Variants in KIAA0513 observed in about 807,000 individuals in gnomAD.
KIAA0513 encodes the protein uncharacterized protein KIAA0513.
A neutral mutation model predicts 56.5 loss-of-function variants in KIAA0513; 39 were observed. The ratio of observed to expected loss-of-function variants is 0.69; its 90% CI spans 0.53 to 0.90. The LOEUF is 0.90. Ranked by LOEUF, KIAA0513 falls within the 40% of genes least tolerant of loss-of-function variation. The probability of loss-of-function intolerance (pLI) is 0.00; values close to 1 mark genes in which losing one functional copy is unlikely to be tolerated. For missense variants in KIAA0513, 591 were observed against 535.2 expected (o/e 1.10, Z -1.03); for synonymous variants, 268 against 215.6 (o/e 1.24, Z -2.13).
In KIAA0513 at chr16:85,088,313, G is replaced by A. The variant is rs1567549532; in HGVS notation, c.1224G>A (p.Met408Ile). ...YKLLSDHIEQ[M>I]ATE ...TGCTTAGTGACCACATTGAGCAAATGGCCACTGAGTAGGCCCCAGAGGTCG... is the reference window on the plus strand; with the variant it reads ...TGCTTAGTGACCACATTGAGCAAATAGCCACTGAGTAGGCCCCAGAGGTCG... The change falls in exon 13 of 13, where the codon ATG (methionine) becomes ATA (isoleucine). Residue 408 changes from methionine to isoleucine, a missense_variant. Transcript: ENST00000683363. The A allele has an allele frequency of 6.2e-7, 1 of 1,611,492 alleles. No homozygotes were observed.
At chr16:85,059,844 G>A (rs772897354) in intron 1 of KIAA0513, among the ~76,000 whole-genome samples, 2 of 152,154 alleles carry the variant, frequency 1.3e-5, no homozygotes, top group Non-Finnish European at 2.9e-5. Context: ...CATGTAGTGC[G>A]TCACTTCCTG....
At chr16:85,050,451 G>A (rs879479905) in intron 1 of KIAA0513, among the ~76,000 whole-genome samples, 49 of 151,752 alleles carry the variant, frequency 3.2e-4, no homozygotes, top group Non-Finnish European at 6.3e-4. Context: ...CCGGGTTCAA[G>A]CCATTCTCCT....
chr16:85,085,213 G>A (rs1200332197), intron 10 of KIAA0513, among the ~76,000 whole-genome samples: 3 of 152,336 alleles, frequency 2.0e-5, no homozygotes, highest in Non-Finnish European at 4.4e-5. Flanking sequence ...GGACTCTGCA[G>A]AGTACCTGGA....
At position 85,029,364 on chromosome 16, in the gene KIAA0513, G is replaced by A. The variant is rs2072931761; in HGVS notation, c.-173+1506G>A. Among the ~76,000 whole-genome samples, 8 of 152,334 alleles carry A rather than the reference G, an allele frequency of 5.3e-5. 1 individual carries two copies. In the South Asian group the frequency reaches 1.7e-3, roughly 32 times the overall value. On this transcript the variant is annotated intron_variant, in intron 1 of 12. Coordinates refer to ENST00000683363, the MANE Select transcript of KIAA0513 (RefSeq NM_001388359.1). The stretch of plus-strand genomic sequence containing the variant: ...TATGGGATGTGTCAGTTAGTGTGAA[G>A]GTTGGTTTGCATTATTTGAGATGTA...
intron 10 of KIAA0513, among the ~76,000 whole-genome samples, chr16:85,085,388 A>T (rs1476151521): frequency 1.3e-5 from 2 of 152,176 alleles, no homozygotes; most frequent in Admixed American, 6.5e-5. Context: ...GAGCCAGGAG[A>T]TCATGTTCCT....
At chr16:85,077,274 G>T in intron 5 of KIAA0513, 151 bp from the exon 6 acceptor site, 1 of 691,074 alleles carries the variant, frequency 1.4e-6, no homozygotes, top group Non-Finnish European at 2.4e-6. Flanking sequence ...TGGGCCGGCT[G>T]AGCCTGCACC....
Position 85,072,916 on chromosome 16 carries a change from T to A in KIAA0513, c.430-9T>A, listed in dbSNP as rs760994063. The A allele has an allele frequency of 5.0e-6, 8 of 1,614,058 alleles. No homozygotes were observed. Among genetic ancestry groups the A allele is most frequent in the Non-Finnish European group, 6.8e-6 (8 of 1,179,900 alleles). ...AACCTCAATGATGTGTCTGCCTCTT[T>A]CTGGACAGCGCTGCAACTCCAAGTG... On this transcript the variant is annotated splice_polypyrimidine_tract_variant and intron_variant, in intron 3 of 12. Coordinates refer to ENST00000683363, the MANE Select transcript of KIAA0513 (RefSeq NM_001388359.1).
chr16:85,076,028 A>G lies in KIAA0513; in HGVS notation c.574+114A>G. 5.3e-6 allele frequency: 4 copies of G among 757,032 alleles called. No individual in the cohort carries two copies. Among genetic ancestry groups the G allele is most frequent in the East Asian group, 2.6e-5 (1 of 38,582 alleles). 46.9% of individuals were successfully genotyped at this position (757,032 alleles called of 1,614,324 possible). A position where few individuals can be genotyped will look rare whatever the true frequency, so the allele number is the denominator to read the frequency against. ...GCAAAAGCTATGGGGCCTCCAGAGA[A>G]CAGAGGAAGCTGATGTTAGGGAGGA... is the stretch of plus-strand genomic sequence containing the variant. On this transcript the variant is annotated intron_variant, in intron 5 of 12. Transcript: ENST00000683363. The surrounding 1 kb of genome is among the most constrained non-coding windows in gnomAD (Gnocchi z 4.7).
intron 1 of KIAA0513, among the ~76,000 whole-genome samples, chr16:85,039,991 C>T (rs908354573): frequency 2.6e-5 from 4 of 151,214 alleles, no homozygotes; most frequent in Admixed American, 2.0e-4. Flanking sequence ...TGTGCCACCG[C>T]GCCTGGCTAA....
At position 85,085,812 on chromosome 16, in the gene KIAA0513, C is replaced by T. The variant is rs138179963; in HGVS notation, c.1011-832C>T. Among the ~76,000 whole-genome samples, 20 of 152,352 alleles carry T rather than the reference C, an allele frequency of 1.3e-4. No individual in the cohort carries two copies. The East Asian group carries it at 2.1e-3, about 16-fold the overall frequency. Reference sequence around the variant, plus strand: ...CCCACTTCAGGCCTTGTGCGGAGAACGCATCAGGGTCCCCGCCGGCTCCTG... The same window carrying T: ...CCCACTTCAGGCCTTGTGCGGAGAATGCATCAGGGTCCCCGCCGGCTCCTG... On this transcript the variant is annotated intron_variant, in intron 10 of 12. Coordinates refer to ENST00000683363, the MANE Select transcript of KIAA0513 (RefSeq NM_001388359.1).
chr16:85,044,699 G>A (rs1351200596), intron 1 of KIAA0513, among the ~76,000 whole-genome samples: 1 of 151,620 alleles, frequency 6.6e-6, no homozygotes, highest in Non-Finnish European at 1.5e-5. Context: ...TAGAGACGGG[G>A]GTTTCACCAT....
intron 12 of KIAA0513, 97 bp from the exon 13 acceptor site, chr16:85,088,179 G>A: frequency 9.0e-7 from 1 of 1,112,450 alleles, no homozygotes; most frequent in Admixed American, 1.7e-5. Context: ...CTGCTCCCAG[G>A]GAGGCCCGAT....
rs547542678 is a variant in KIAA0513, at chr16:85,082,671, A to C, written c.1010+78A>C. ...GGCCACTGCAGGGTGGGGGCTGTGC[A>C]CTGTGCTGAGCTGCTGCAGCAGGCA... On this transcript the variant is annotated intron_variant, in intron 10 of 12. Transcript: ENST00000683363. 44 of 1,464,710 alleles carry C rather than the reference A, an allele frequency of 3.0e-5. No individual in the cohort carries two copies. In the African/African-American group the frequency reaches 5.6e-4, roughly 18 times the overall value. The allele number at this position is 1,464,710 out of a possible 1,614,324, so 90.7% of individuals were successfully genotyped here.
intron 4 of KIAA0513, among the ~76,000 whole-genome samples, chr16:85,073,677 C>A (rs551651566): frequency 6.6e-6 from 1 of 152,228 alleles, no homozygotes; most frequent in Non-Finnish European, 1.5e-5. Flanking sequence ...CTTGGGGAGG[C>A]TGGGCAGTGG....
In KIAA0513 at chr16:85,091,200, C is replaced by A. The variant is rs1567551738; in HGVS notation, c.*2875C>A. 6.6e-6 allele frequency: 1 copy of A among 152,230 alleles called. No homozygotes were observed. Among genetic ancestry groups the A allele is most frequent in the Non-Finnish European group, 1.5e-5 (1 of 68,046 alleles). The allele number at this position is 152,230 out of a possible 1,614,324, so 9.4% of individuals were successfully genotyped here. A position where few individuals can be genotyped will look rare whatever the true frequency, so the allele number is the denominator to read the frequency against. On this transcript the variant is annotated 3_prime_UTR_variant, in exon 13 of 13. Transcript: ENST00000683363. Reference sequence around the variant, plus strand: ...GAGGGCTGTGCCAATCCTAGTGAACCAAAATGCAAACAACTCACACAAGTG... The same window carrying A: ...GAGGGCTGTGCCAATCCTAGTGAACAAAAATGCAAACAACTCACACAAGTG...
chr16:85,085,860 A>T (rs1454994301), intron 10 of KIAA0513, among the ~76,000 whole-genome samples: 1 of 152,206 alleles, frequency 6.6e-6, no homozygotes, highest in Non-Finnish European at 1.5e-5. Flanking sequence ...ACCTCGGCCG[A>T]TGCCGTCTTA....
At chr16:85,041,666 A>G (rs1347647615) in intron 1 of KIAA0513, among the ~76,000 whole-genome samples, 1 of 152,214 alleles carries the variant, frequency 6.6e-6, no homozygotes, top group Non-Finnish European at 1.5e-5. Context: ...GAAGTGGCAG[A>G]GACAGCAGCT....
intron 1 of KIAA0513, among the ~76,000 whole-genome samples, chr16:85,061,046 G>A (rs1667240826): frequency 1.3e-5 from 2 of 151,746 alleles, no homozygotes; most frequent in South Asian, 4.1e-4. Context: ...CTAGCTACTT[G>A]GGAGGCCGAG....
chr16:85,044,108 C>T (rs1302802731), intron 1 of KIAA0513, among the ~76,000 whole-genome samples: 1 of 152,208 alleles, frequency 6.6e-6, no homozygotes, highest in African/African-American at 2.4e-5. Context: ...ATCTTTGTTT[C>T]TTAAAAACCT....
Sources: allele counts gnomAD v4.1 joint callset (sites outside exome capture counted in the v4.1 genomes callset), GRCh38; gene constraint gnomAD v4.1.1; non-coding constraint Gnocchi (gnomAD v3.1); transcripts MANE v1.5; gene names NCBI Gene and HGNC (gene_info 2026-07-23, HGNC 2026-07-21).